RCBTB1: variants seen among roughly 807,000 people sequenced by gnomAD.
RCBTB1 encodes RCC1 and BTB domain-containing protein 1.
Under a neutral mutation model 62.4 loss-of-function variants are expected in RCBTB1, and 46 were observed. The ratio of observed to expected loss-of-function variants is 0.74; its 90% CI spans 0.58 to 0.94. RCBTB1 has a LOEUF of 0.94. RCBTB1 is among the 40% of genes least tolerant of loss of function. The pLI is 0.00. For missense variants in RCBTB1, 565 were observed against 654.9 expected, an observed-to-expected ratio of 0.86 and a Z score of 1.50; for synonymous variants, 222 against 245.8, an observed-to-expected ratio of 0.90 and a Z score of 0.91.
intron 5 of RCBTB1, among the ~76,000 whole-genome samples, chr13:49,558,398 A>T (rs1340570758): frequency 6.6e-6 from 1 of 152,168 alleles, no homozygotes; most frequent in Non-Finnish European, 1.5e-5. Flanking sequence ...AGAAAATAAA[A>T]ATTCACAAAG....
In RCBTB1 at chr13:49,533,990, T is replaced by G. The variant is rs1273910171; in HGVS notation, c.*132A>C. The G allele has an allele frequency of 2.2e-5, 19 of 864,374 alleles. No homozygotes were observed. Among genetic ancestry groups the G allele is most frequent in the Non-Finnish European group, 3.2e-5 (18 of 563,106 alleles). The allele number at this position is 864,374 out of a possible 1,614,324, so 53.5% of individuals were successfully genotyped here. ...CTTGTTATGTTCCTACACAAACAAC[T>G]GTGTCCCAGATGTGGAAAAAAACAA... On this transcript the variant is annotated 3_prime_UTR_variant, in exon 13 of 13. Transcript: ENST00000378302.
At chr13:49,581,606 A>G (rs1198422) in intron 1 of RCBTB1, among the ~76,000 whole-genome samples, 141,206 of 152,236 alleles carry the variant, frequency 0.93, 65,543 homozygotes, top group African/African-American at 0.95. Context: ...AAAGCAAGTG[A>G]AATAAGGAGA....
intron 4 of RCBTB1, among the ~76,000 whole-genome samples, chr13:49,562,127 A>G (rs1962488776): frequency 6.6e-6 from 1 of 151,966 alleles, no homozygotes; most frequent in Non-Finnish European, 1.5e-5. Context: ...TTAATTTTAA[A>G]ATAACCTGTA....
At chr13:49,562,589 G>C (rs1434859642) in intron 4 of RCBTB1, among the ~76,000 whole-genome samples, 2 of 150,274 alleles carry the variant, frequency 1.3e-5, no homozygotes, top group African/African-American at 4.9e-5. Flanking sequence ...CCATAAAGGA[G>C]AAAACAAAGA....
At chr13:49,582,308 G>C (rs915203961) in intron 1 of RCBTB1, among the ~76,000 whole-genome samples, 1 of 152,146 alleles carries the variant, frequency 6.6e-6, no homozygotes. Flanking sequence ...CCAACATGGT[G>C]AAACCCCATC....
intron 6 of RCBTB1, among the ~76,000 whole-genome samples, chr13:49,554,682 T>G (rs1295023097): frequency 6.6e-6 from 1 of 152,180 alleles, no homozygotes; most frequent in African/African-American, 2.4e-5. Context: ...CATTGTGAAC[T>G]GCACAACAAG....
chr13:49,567,459 T>G, intron 2 of RCBTB1, 139 bp from the exon 3 acceptor site: 2 of 619,856 alleles, frequency 3.2e-6, no homozygotes, highest in East Asian at 5.9e-5. Context: ...ATCACTCACT[T>G]TCCCCCAGCC....
chr13:49,563,488 C>A (rs886358781), intron 4 of RCBTB1, among the ~76,000 whole-genome samples: 2 of 151,010 alleles, frequency 1.3e-5, no homozygotes, highest in African/African-American at 4.9e-5. Flanking sequence ...CATGGAGAAA[C>A]CCTGTCTCTA....
chr13:49,553,297 G>C (rs2139191658), intron 6 of RCBTB1, among the ~76,000 whole-genome samples: 1 of 152,284 alleles, frequency 6.6e-6, no homozygotes, highest in African/African-American at 2.4e-5. Context: ...GAAAGATAAT[G>C]CTGGCCACAG....
chr13:49,560,985 T>C (rs1390384976), intron 4 of RCBTB1, among the ~76,000 whole-genome samples: 5 of 151,330 alleles, frequency 3.3e-5, no homozygotes, highest in Non-Finnish European at 7.4e-5. Flanking sequence ...CGGAAGCTCC[T>C]CTGTCTGAAT....
At position 49,555,677 on chromosome 13, in the gene RCBTB1, C is replaced by A. The variant is rs1232005447; in HGVS notation, c.445-4G>T. 3 of 1,548,672 alleles carry A rather than the reference C, an allele frequency of 1.9e-6. No homozygotes were observed. The highest frequency in any genetic ancestry group is 2.1e-5 in the Admixed American group (1 of 47,088). On this transcript the variant is annotated splice_polypyrimidine_tract_variant and splice_region_variant and intron_variant, in intron 5 of 12. Transcript: ENST00000378302. ...TGTTATAACCCCAAGCAAACACCTA[C>A]AAGAGAAAGAAAAAGGAAAAGGAAA... is the stretch of plus-strand genomic sequence containing the variant.
chr13:49,566,370 C>T (rs1963014203), intron 4 of RCBTB1, among the ~76,000 whole-genome samples: 1 of 152,184 alleles, frequency 6.6e-6, no homozygotes, highest in Non-Finnish European at 1.5e-5. Context: ...TTTGCTATAT[C>T]TAATCATCCA....
At chr13:49,545,006 A>G (rs530140836) in intron 9 of RCBTB1, 143 bp from the exon 10 acceptor site, 18 of 616,188 alleles carry the variant, frequency 2.9e-5, no homozygotes, top group Admixed American at 2.1e-4. Context: ...TGACAAATCA[A>G]TTCTACGGTA....
At chr13:49,542,976 C>T (rs942782084) in intron 10 of RCBTB1, among the ~76,000 whole-genome samples, 2 of 152,080 alleles carry the variant, frequency 1.3e-5, no homozygotes, top group Admixed American at 6.6e-5. Flanking sequence ...AAAAAGTATT[C>T]TGAGGTGCAG....
rs777487842 is a variant in RCBTB1, at chr13:49,534,125, G to C, written c.1593C>G (p.Asn531Lys). The C allele has an allele frequency of 6.2e-6, 10 of 1,613,612 alleles. No individual in the cohort carries two copies. The Admixed American group carries it at 1.3e-4, about 22-fold the overall frequency. The change falls in exon 13 of 13, where the codon AAC (asparagine) becomes AAG (lysine). Residue 531 changes from asparagine to lysine, a missense_variant. Physicochemically the swap from Asn to Lys is moderately conservative, Grantham distance 94. Transcript: ENST00000378302. ...CAGAACCCAGCAGCCTTGCGCTTCA[G>C]TTCTTAAAGGCTCCACATTTACTGG... ...AKASKCGAFK[N>K] is the part of the protein sequence containing the mutation.
intron 1 of RCBTB1, among the ~76,000 whole-genome samples, chr13:49,580,894 T>C (rs1964057078): frequency 6.6e-6 from 1 of 152,080 alleles, no homozygotes. Context: ...TACATGGGGT[T>C]GGGGGATCTA....
intron 5 of RCBTB1, among the ~76,000 whole-genome samples, chr13:49,558,004 GGCTT>G (rs1962083373): frequency 1.3e-5 from 2 of 152,184 alleles, no homozygotes; most frequent in African/African-American, 4.8e-5. Context: ...AACAAAGTGT[GGCTT>G]ACAGCAGGTC....
At chr13:49,570,597 T>C (rs1460149393) in intron 2 of RCBTB1, among the ~76,000 whole-genome samples, 2 of 152,236 alleles carry the variant, frequency 1.3e-5, no homozygotes, top group Non-Finnish European at 2.9e-5. Flanking sequence ...TGTCATTTTA[T>C]GTTCAAGATA....
chr13:49,576,842 CT>C (rs140636532), intron 2 of RCBTB1, among the ~76,000 whole-genome samples: 13 of 149,318 alleles, frequency 8.7e-5, no homozygotes, highest in Admixed American at 1.3e-4. Context: ...GAATCAATGA[CT>C]TTTTTTTTTA....
Sources: allele counts gnomAD v4.1 joint callset (sites outside exome capture counted in the v4.1 genomes callset), GRCh38; gene constraint gnomAD v4.1.1; transcripts MANE v1.5; gene names NCBI Gene and HGNC (gene_info 2026-07-23, HGNC 2026-07-21).